The following GULP1 variants were observed in gnomAD, a reference collection of about 807,000 sequenced individuals.
The protein encoded by GULP1 is PTB domain-containing engulfment adapter protein 1.
Under a neutral mutation model 40.9 loss-of-function variants are expected in GULP1, and 19 were observed. The ratio of observed to expected loss-of-function variants is 0.46; its 90% CI spans 0.32 to 0.68. The LOEUF (loss-of-function observed/expected upper bound fraction) is 0.68, where lower values mean the gene tolerates loss of function less well. GULP1 is among the 30% of genes least tolerant of loss of function. The pLI, the probability that GULP1 is intolerant of heterozygous loss-of-function variation, is 0.03. For missense variants in GULP1, 312 were observed against 362.2 expected (o/e 0.86, Z 1.12); for synonymous variants, 119 against 117.6 (o/e 1.01, Z -0.08).
chr2:188,425,717 A>G (rs1165638059), intron 2 of GULP1, among the ~76,000 whole-genome samples: 1 of 152,168 alleles, frequency 6.6e-6, no homozygotes, highest in Non-Finnish European at 1.5e-5. Context: ...AACAATTCAA[A>G]TACTACCTCA....
At chr2:188,589,716 C>G in intron 11 of GULP1, 2 of 1,325,594 alleles carry the variant, frequency 1.5e-6, no homozygotes, top group Non-Finnish European at 2.0e-6. Flanking sequence ...TTTTTAAATT[C>G]TTTACTGCTT....
intron 1 of GULP1, among the ~76,000 whole-genome samples, chr2:188,346,204 C>T (rs902372074): frequency 3.9e-5 from 6 of 152,150 alleles, no homozygotes; most frequent in Non-Finnish European, 5.9e-5. Context: ...GATGATATGG[C>T]TTAACCCAGG....
At chr2:188,568,975 C>T (rs542329356) in intron 7 of GULP1, among the ~76,000 whole-genome samples, 1 of 152,206 alleles carries the variant, frequency 6.6e-6, no homozygotes, top group Non-Finnish European at 1.5e-5. Context: ...ACTCTTGCTT[C>T]CAACTTTCCC....
At chr2:188,587,376 A>G (rs960328702) in intron 10 of GULP1, among the ~76,000 whole-genome samples, 2 of 152,122 alleles carry the variant, frequency 1.3e-5, no homozygotes, top group African/African-American at 4.8e-5. Flanking sequence ...TTTTCTCTGA[A>G]TAAAAGGAGA....
At chr2:188,392,155 C>T (rs889059532) in intron 2 of GULP1, among the ~76,000 whole-genome samples, 1 of 151,918 alleles carries the variant, frequency 6.6e-6, no homozygotes, top group Non-Finnish European at 1.5e-5. Flanking sequence ...ACCTCTTTCT[C>T]AATCTTTTCA....
intron 2 of GULP1, among the ~76,000 whole-genome samples, chr2:188,423,071 A>G (rs1054852370): frequency 6.6e-6 from 1 of 151,998 alleles, no homozygotes; most frequent in Non-Finnish European, 1.5e-5. Flanking sequence ...TTCCTTGCCT[A>G]CCTATTTCCA....
At chr2:188,382,657 G>A (rs1294683058) in intron 1 of GULP1, among the ~76,000 whole-genome samples, 1 of 152,102 alleles carries the variant, frequency 6.6e-6, no homozygotes, top group African/African-American at 2.4e-5. Flanking sequence ...AGGCCAAAGC[G>A]GGCAGATCAC....
intron 4 of GULP1, among the ~76,000 whole-genome samples, chr2:188,511,606 G>A (rs1441882585): frequency 2.0e-5 from 3 of 152,094 alleles, no homozygotes; most frequent in African/African-American, 4.8e-5. Context: ...GTACAAACTC[G>A]GTGGGAGAGC....
chr2:188,586,061 G>A (rs1196486822), intron 10 of GULP1, among the ~76,000 whole-genome samples: 1 of 152,160 alleles, frequency 6.6e-6, no homozygotes, highest in Non-Finnish European at 1.5e-5. Flanking sequence ...TCTTCTGCCA[G>A]ATACCCTAAA....
chr2:188,388,410 G>A (rs1213542301), intron 2 of GULP1, among the ~76,000 whole-genome samples: 1 of 151,612 alleles, frequency 6.6e-6, no homozygotes, highest in Non-Finnish European at 1.5e-5. Flanking sequence ...AGACAGGATG[G>A]TGTATACTTG....
chr2:188,385,672 C>T (rs553932855), intron 2 of GULP1, among the ~76,000 whole-genome samples: 24 of 152,282 alleles, frequency 1.6e-4, no homozygotes, highest in African/African-American at 5.1e-4. Flanking sequence ...ACCCAAGTCA[C>T]ATCTTGAATG....
At position 188,394,246 on chromosome 2, in the gene GULP1, T is replaced by A. The variant is rs151073144; in HGVS notation, c.-45+10357T>A. On this transcript the variant is annotated intron_variant, in intron 2 of 11. Coordinates refer to ENST00000409830, the MANE Select transcript of GULP1 (RefSeq NM_016315.4). ...TCTGTTTATTTTTTCTTTATTTTTG[T>A]CTGATTGGGTTAATTCAAAAGCTTT... Among the ~76,000 whole-genome samples, 784 of 152,278 alleles carry A rather than the reference T, an allele frequency of 5.1e-3. 5 individuals are homozygous for A. The highest frequency in any genetic ancestry group is 0.018 in the African/African-American group (753 of 41,580).
intron 2 of GULP1, among the ~76,000 whole-genome samples, chr2:188,423,630 A>T (rs1365706586): frequency 1.3e-5 from 2 of 151,740 alleles, no homozygotes; most frequent in East Asian, 3.9e-4. Context: ...TTCTCTGCTA[A>T]TCAGTATTTT....
chr2:188,584,292 T>A lies in GULP1; in HGVS notation c.637T>A (p.Ser213Thr). Residue 213 changes from serine (S) to threonine (T), a missense_variant, in exon 10 of 12, where the codon TCC becomes ACC. By Grantham distance (58) the Ser-to-Thr change is moderately conservative (BLOSUM62 1). Transcript: ENST00000409830. ...PAGSMTPKSPSTDIFDMIPFS... is the reference protein window; with the variant it reads ...PAGSMTPKSPTTDIFDMIPFS... Reference sequence around the variant, plus strand: ...AGGCAGTATGACACCTAAGTCGCCCTCCACTGACATCTTTGATATGATTCC... The same window carrying A: ...AGGCAGTATGACACCTAAGTCGCCCACCACTGACATCTTTGATATGATTCC... 1 of 1,608,512 alleles carries A rather than the reference T, an allele frequency of 6.2e-7. No homozygotes were observed. Among genetic ancestry groups the A allele is most frequent in the Non-Finnish European group, 8.5e-7 (1 of 1,175,372 alleles).
chr2:188,541,178 C>T lies in GULP1; in HGVS notation c.262-3C>T. 1 of 1,611,018 alleles carries T rather than the reference C, an allele frequency of 6.2e-7. No homozygotes were observed. The highest frequency in any genetic ancestry group is 1.1e-5 in the South Asian group (1 of 90,936). ...CTATGTTTATTTCCATCTGTGTTCA[C>T]AGGAAGTTCAACACAATTGCCAGCT... On this transcript the variant is annotated splice_polypyrimidine_tract_variant and splice_region_variant and intron_variant, in intron 6 of 11. Transcript: ENST00000409830.
In GULP1 at chr2:188,355,032, A is replaced by T. The variant is rs182236094; in HGVS notation, c.-171-28731A>T. 4.6e-5 allele frequency among the ~76,000 whole-genome samples: 7 copies of T among 152,304 alleles called. No individual in the cohort carries two copies. In the East Asian group the frequency reaches 1.4e-3, roughly 29 times the overall value. On this transcript the variant is annotated intron_variant, in intron 1 of 11. Coordinates refer to ENST00000409830, the MANE Select transcript of GULP1 (RefSeq NM_016315.4). ...ACCACAACATACCAAAACCTATGGG[A>T]TATAGTAAAAGGAGTATTAAGAGGC... is the stretch of plus-strand genomic sequence containing the variant.
rs755902053 is a variant in GULP1 at position 188,584,352 on chromosome 2, A to G, written c.697A>G (p.Thr233Ala). 12 of 1,606,316 alleles carry G rather than the reference A, an allele frequency of 7.5e-6. No homozygotes were observed. Among genetic ancestry groups the G allele is most frequent in the African/African-American group, 1.3e-5 (1 of 74,762 alleles). The change falls in exon 10 of 12, where the codon ACT becomes GCT. Residue 233 changes from threonine (T) to alanine (A), a missense_variant. Thr to Ala is a moderately conservative substitution (Grantham distance 58). Transcript: ENST00000409830. ...SPISHQSSMP[T>A]RNGTQPPPVP... ...AATATCACACCAGTCTTCGATGCCTACTCGCAATGGCACACAGCCACCTCC... is the reference window on the plus strand; with the variant it reads ...AATATCACACCAGTCTTCGATGCCTGCTCGCAATGGCACACAGCCACCTCC...
intron 6 of GULP1, among the ~76,000 whole-genome samples, chr2:188,535,700 T>C (rs1688759667): frequency 6.6e-6 from 1 of 152,066 alleles, no homozygotes; most frequent in South Asian, 2.1e-4. Context: ...TGGATATATG[T>C]CAAGTATGTA....
At chr2:188,376,037 G>C (rs367545202) in intron 1 of GULP1, among the ~76,000 whole-genome samples, 34 of 152,014 alleles carry the variant, frequency 2.2e-4, no homozygotes, top group African/African-American at 7.5e-4. Context: ...CTTTCCATTT[G>C]AGTTTGATTT....
Sources: gnomAD v4.1 joint callset for allele counts (sites outside exome capture counted in the v4.1 genomes callset) on GRCh38, gnomAD v4.1.1 for gene constraint, MANE v1.5 for transcripts, NCBI Gene and HGNC (gene_info 2026-07-23, HGNC 2026-07-21) for gene names.